DPYD: variants seen among roughly 807,000 people sequenced by gnomAD.
The protein encoded by DPYD is dihydropyrimidine dehydrogenase, also known as dihydropyrimidine dehydrogenase [NADP(+)].
DPYD carries 109 observed loss-of-function variants against 116.2 expected under a neutral mutation model. That is an observed-to-expected ratio of 0.94 (90% confidence interval 0.80 to 1.10). The LOEUF (loss-of-function observed/expected upper bound fraction) is 1.10. Ranked by LOEUF, DPYD falls within the 50% of genes least tolerant of loss-of-function variation. The pLI, the probability that DPYD is intolerant of heterozygous loss-of-function variation, is 0.00. For missense variants in DPYD, 1,302 were observed against 1,254.5 expected (o/e 1.04, Z -0.57); for synonymous variants, 440 against 432.0 (o/e 1.02, Z -0.23).
intron 20 of DPYD, among the ~76,000 whole-genome samples, chr1:97,150,136 C>T (rs941437363): frequency 6.6e-6 from 1 of 152,140 alleles, no homozygotes; most frequent in African/African-American, 2.4e-5. Context: ...CCTCATCCTT[C>T]ACATATCATT....
At chr1:97,682,398 T>C (rs969837315) in intron 7 of DPYD, among the ~76,000 whole-genome samples, 1 of 151,840 alleles carries the variant, frequency 6.6e-6, no homozygotes, top group Non-Finnish European at 1.5e-5. Context: ...TTCCAAGCAG[T>C]GACAGGCACA....
intron 3 of DPYD, among the ~76,000 whole-genome samples, chr1:97,791,381 C>A (rs1294653402): frequency 6.6e-6 from 1 of 152,110 alleles, no homozygotes; most frequent in Non-Finnish European, 1.5e-5. Flanking sequence ...AAATTAAAAC[C>A]ACTGAAACCT....
chr1:97,245,231 G>A (rs1043220881), intron 18 of DPYD, among the ~76,000 whole-genome samples: 1 of 152,060 alleles, frequency 6.6e-6, no homozygotes, highest in African/African-American at 2.4e-5. Flanking sequence ...ATGTAAGAAA[G>A]GCAGGGCCGT....
At chr1:97,776,704 T>A (rs1404692991) in intron 3 of DPYD, among the ~76,000 whole-genome samples, 1 of 152,176 alleles carries the variant, frequency 6.6e-6, no homozygotes, top group African/African-American at 2.4e-5. Flanking sequence ...TTAACACAAG[T>A]GTAAATTCTC....
chr1:97,193,757 A>G (rs1443988111), intron 19 of DPYD, among the ~76,000 whole-genome samples: 1 of 150,412 alleles, frequency 6.6e-6, no homozygotes, highest in Non-Finnish European at 1.5e-5. Flanking sequence ...CTTGTTGTCA[A>G]CTATGATCCA....
chr1:97,363,334 A>C (rs1219492188), intron 16 of DPYD, among the ~76,000 whole-genome samples: 1 of 152,206 alleles, frequency 6.6e-6, no homozygotes, highest in Non-Finnish European at 1.5e-5. Context: ...AGGAATAGGA[A>C]TGCCTTTATA....
intron 16 of DPYD, among the ~76,000 whole-genome samples, chr1:97,358,462 A>G (rs577828863): frequency 2.6e-5 from 4 of 152,270 alleles, no homozygotes; most frequent in Admixed American, 6.5e-5. Context: ...TTCTCCCAGC[A>G]TGGTGTCTGA....
intron 1 of DPYD, among the ~76,000 whole-genome samples, chr1:97,907,486 A>G (rs1673695962): frequency 6.6e-6 from 1 of 152,148 alleles, no homozygotes; most frequent in Admixed American, 6.6e-5. Context: ...TGGGGAAATT[A>G]GCTTAAGTTC....
chr1:97,845,600 C>T (rs1670255138), intron 2 of DPYD, among the ~76,000 whole-genome samples: 1 of 152,180 alleles, frequency 6.6e-6, no homozygotes, highest in African/African-American at 2.4e-5. Flanking sequence ...CTCATTCTTC[C>T]TGGACATGGG....
chr1:97,859,353 T>A (rs1671002901), intron 2 of DPYD, among the ~76,000 whole-genome samples: 1 of 152,116 alleles, frequency 6.6e-6, no homozygotes, highest in Admixed American at 6.5e-5. Context: ...CCAGGAATGA[T>A]CAACCTGGAG....
At chr1:97,531,738 G>A (rs1000093396) in intron 12 of DPYD, among the ~76,000 whole-genome samples, 1 of 152,062 alleles carries the variant, frequency 6.6e-6, no homozygotes, top group Admixed American at 6.5e-5. Flanking sequence ...TTTAACATTA[G>A]TTTTTCCAAT....
chr1:97,225,558 TTG>T (rs1372341544), intron 19 of DPYD, among the ~76,000 whole-genome samples: 10 of 135,148 alleles, frequency 7.4e-5, no homozygotes, highest in African/African-American at 1.5e-4. Flanking sequence ...TGAAATCAGG[TTG>T]TTTTTTTTTT....
At chr1:97,488,922 G>A (rs985759519) in intron 13 of DPYD, among the ~76,000 whole-genome samples, 2 of 152,170 alleles carry the variant, frequency 1.3e-5, no homozygotes, top group African/African-American at 2.4e-5. Context: ...CTCTCTATGG[G>A]GTAGCCCTGC....
intron 3 of DPYD, among the ~76,000 whole-genome samples, chr1:97,765,684 T>C (rs537883096): frequency 1.3e-5 from 2 of 152,294 alleles, no homozygotes; most frequent in Admixed American, 6.5e-5. Context: ...TGAGCAGTAA[T>C]ACATGCACGT....
At chr1:97,703,104 A>G (rs1470278861) in intron 5 of DPYD, among the ~76,000 whole-genome samples, 1 of 151,958 alleles carries the variant, frequency 6.6e-6, no homozygotes, top group Non-Finnish European at 1.5e-5. Context: ...TAATCTATCA[A>G]TTGGTATCCC....
chr1:97,725,203 A>G (rs909461059), intron 4 of DPYD, among the ~76,000 whole-genome samples: 1 of 151,684 alleles, frequency 6.6e-6, no homozygotes, highest in Non-Finnish European at 1.5e-5. Context: ...CATTTACAAC[A>G]GCAACAAACA....
intron 3 of DPYD, among the ~76,000 whole-genome samples, chr1:97,780,788 G>A (rs1666697928): frequency 6.6e-6 from 1 of 152,044 alleles, no homozygotes; most frequent in Non-Finnish European, 1.5e-5. Flanking sequence ...TGGATCTCTG[G>A]GTGTTCACCA....
chr1:97,890,320 C>A (rs1055514337), intron 1 of DPYD, among the ~76,000 whole-genome samples: 5 of 151,874 alleles, frequency 3.3e-5, no homozygotes, highest in Admixed American at 6.6e-5. Flanking sequence ...TACATTCAGT[C>A]GATTTAGCCA....
At chr1:97,343,155 CCTT>C (rs149035829) in intron 16 of DPYD, among the ~76,000 whole-genome samples, 13,179 of 152,082 alleles carry the variant, frequency 0.087, 734 homozygotes, top group East Asian at 0.17. Context: ...CTGAGAAAGG[CCTT>C]CTTTTGTTTG....
Sources: allele counts gnomAD v4.1 joint callset (sites outside exome capture counted in the v4.1 genomes callset), GRCh38; gene constraint gnomAD v4.1.1; transcripts MANE v1.5; gene names NCBI Gene and HGNC (gene_info 2026-07-23, HGNC 2026-07-21).